PAGE3: variants seen among roughly 807,000 people sequenced by gnomAD.
The protein encoded by PAGE3 is P antigen family member 3.
A neutral mutation model predicts 3.8 loss-of-function variants in PAGE3; 9 were observed. The ratio of observed to expected loss-of-function variants is 2.36; its 90% CI spans 1.42 to 4.12. The LOEUF (loss-of-function observed/expected upper bound fraction) is 4.12, where lower values mean the gene tolerates loss of function less well. Ranked by LOEUF, PAGE3 falls within the 30% of genes most tolerant of loss-of-function variation. The pLI is 0.00. For synonymous variants in PAGE3, 24 were observed against 13.1 expected (o/e 1.83, Z -1.79); for missense variants, 73 against 37.8 (o/e 1.93, Z -2.44).
chrX:55,260,922 T>A (rs1482110589), intron 3 of PAGE3, among the ~76,000 whole-genome samples: 1 of 111,751 alleles, frequency 8.9e-6, no homozygotes, highest in African/African-American at 3.2e-5. Flanking sequence ...TATATGTTAT[T>A]GTACTTATCA....
intron 2 of PAGE3, 114 bp from the exon 3 acceptor site, chrX:55,263,473 T>C: frequency 2.3e-6 from 1 of 427,403 alleles, no homozygotes; most frequent in Non-Finnish European, 4.1e-6. Flanking sequence ...TCTAAAGACA[T>C]TTTTTTCCTA....
chrX:55,262,711 T>TATATATATATATATATATATGTA (rs1555921361), intron 3 of PAGE3, among the ~76,000 whole-genome samples: 53 of 10,622 alleles, frequency 5.0e-3, no homozygotes, highest in African/African-American at 5.5e-3. Flanking sequence ...ATGATATATA[T>TATATATATATATATATATATGTA]ATATATATAT....
intron 4 of PAGE3, among the ~76,000 whole-genome samples, chrX:55,259,242 C>T (rs938181464): frequency 1.8e-5 from 2 of 109,387 alleles, no homozygotes; most frequent in Non-Finnish European, 3.8e-5. Context: ...TTTGGCAAAA[C>T]GGGGATCAGA....
intron 3 of PAGE3, among the ~76,000 whole-genome samples, chrX:55,261,634 G>A (rs1938291161): frequency 1.8e-5 from 2 of 111,154 alleles, no homozygotes; most frequent in Non-Finnish European, 3.8e-5. Flanking sequence ...CATTCAGGGT[G>A]GTATGGCTGT....
intron 4 of PAGE3, among the ~76,000 whole-genome samples, chrX:55,260,301 A>C (rs1356328883): frequency 1.8e-5 from 2 of 111,791 alleles, no homozygotes; most frequent in Admixed American, 9.6e-5. Context: ...ACTAAAAAGT[A>C]AGAAAATACC....
At chrX:55,263,498 T>C (rs1022106166) in intron 2 of PAGE3, 139 bp from the exon 3 acceptor site, 8 of 420,299 alleles carry the variant, frequency 1.9e-5, no homozygotes, top group Admixed American at 8.7e-5. Context: ...ATTCTACATA[T>C]ACTTATTCTT....
intron 3 of PAGE3, 81 bp downstream of exon 3, chrX:55,263,170 C>A: frequency 2.3e-6 from 1 of 444,277 alleles, no homozygotes; most frequent in Non-Finnish European, 4.1e-6. Flanking sequence ...CTTTTTTCCT[C>A]CTTTTACTTC....
intron 4 of PAGE3, among the ~76,000 whole-genome samples, chrX:55,258,773 A>G (rs760661362): frequency 9.0e-6 from 1 of 111,217 alleles, no homozygotes; most frequent in African/African-American, 3.3e-5. Flanking sequence ...AAATGATTTG[A>G]TCAAATGAAC....
At position 55,258,433 on chromosome X, in the gene PAGE3, A is replaced by G. The variant is rs1938232541; in HGVS notation, c.*73T>C. 6 of 548,928 alleles carry G rather than the reference A, an allele frequency of 1.1e-5. No individual in the cohort carries two copies. The highest frequency in any genetic ancestry group is 3.1e-4 in the Middle Eastern group (1 of 3,184). The allele number at this position is 548,928 out of a possible 1,213,427, so 45.2% of individuals were successfully genotyped here. A position where few individuals can be genotyped will look rare whatever the true frequency, so the allele number is the denominator to read the frequency against. The stretch of plus-strand genomic sequence containing the variant: ...AGACTTCTTTGCAGACAATTGTGAA[A>G]CTTTATTGAGAGAATTTTACTGGTG... On this transcript the variant is annotated 3_prime_UTR_variant, in exon 5 of 5. Coordinates refer to ENST00000374951, the MANE Select transcript of PAGE3 (RefSeq NM_001017931.3).
intron 4 of PAGE3, among the ~76,000 whole-genome samples, chrX:55,258,806 A>G (rs1397749346): frequency 9.0e-6 from 1 of 111,337 alleles, no homozygotes; most frequent in Non-Finnish European, 1.9e-5. Context: ...AGTTTTAACT[A>G]GAAACTAAAA....
intron 4 of PAGE3, among the ~76,000 whole-genome samples, chrX:55,259,994 C>A (rs1938258981): frequency 9.0e-6 from 1 of 111,158 alleles, no homozygotes; most frequent in Non-Finnish European, 1.9e-5. Flanking sequence ...AATTCAGAAG[C>A]TCATATAACT....
At chrX:55,258,977 G>C (rs766349362) in intron 4 of PAGE3, among the ~76,000 whole-genome samples, 133 of 111,791 alleles carry the variant, frequency 1.2e-3, no homozygotes, top group African/African-American at 4.0e-3. Context: ...AGAAAGGCTA[G>C]TATTATATTT....
chrX:55,264,808 A>C lies in PAGE3; in HGVS notation c.-271T>G, dbSNP rs917737893. 5 of 111,369 alleles carry C rather than the reference A, an allele frequency of 4.5e-5. No individual in the cohort carries two copies. Among genetic ancestry groups the C allele is most frequent in the African/African-American group, 1.6e-4 (5 of 30,579 alleles). 9.2% of individuals were successfully genotyped at this position (111,369 alleles called of 1,213,427 possible). A position where few individuals can be genotyped will look rare whatever the true frequency, so the allele number is the denominator to read the frequency against. The stretch of plus-strand genomic sequence containing the variant: ...AATTCCCAGGAGGACTGATCTGCGG[A>C]CCTACCAGCTGAGTCCCAGTCAGTG... On this transcript the variant is annotated 5_prime_UTR_variant, in exon 1 of 5. Coordinates refer to ENST00000374951, the MANE Select transcript of PAGE3 (RefSeq NM_001017931.3).
At chrX:55,263,783 G>T in intron 2 of PAGE3, 37 bp downstream of exon 2, 2 of 543,662 alleles carry the variant, frequency 3.7e-6, no homozygotes, top group Non-Finnish European at 3.3e-6. Context: ...ACAAAAATAA[G>T]TTTCTAATAG....
rs1405997595 is a variant in PAGE3 at position 55,264,218 on chromosome X, G to A, written c.-8-307C>T. Among the ~76,000 whole-genome samples, 3 of 110,404 alleles carry A rather than the reference G, an allele frequency of 2.7e-5. No individual in the cohort carries two copies. The East Asian group carries it at 8.6e-4, about 32-fold the overall frequency. On this transcript the variant is annotated intron_variant, in intron 1 of 4. Coordinates refer to ENST00000374951, the MANE Select transcript of PAGE3 (RefSeq NM_001017931.3). ...AAAATATAGGTAGAGAATTGGAACC[G>A]GAGTGACTACTGCTTTTGCCCCACT... is the stretch of plus-strand genomic sequence containing the variant.
Position 55,263,250 on chromosome X carries a change from C to A in PAGE3, c.193+1G>T, listed in dbSNP as rs774619815. 1 of 567,351 alleles carries A rather than the reference C, an allele frequency of 1.8e-6. No individual in the cohort carries two copies. The highest frequency in any genetic ancestry group is 3.1e-4 in the Middle Eastern group (1 of 3,240). The allele number at this position is 567,351 out of a possible 1,213,427, so 46.8% of individuals were successfully genotyped here. A position where few individuals can be genotyped will look rare whatever the true frequency, so the allele number is the denominator to read the frequency against. On this transcript the variant is annotated splice_donor_variant, in intron 3 of 4. Transcript: ENST00000374951. LOFTEE classifies it high-confidence loss of function. ...GGCATTCTTCCTCTCCCACGCTTCA[C>A]CTTGGAAGTCCAGTGCTCCCTCGTC...
chrX:55,264,220 A>G (rs1938349652), intron 1 of PAGE3, among the ~76,000 whole-genome samples: 1 of 110,512 alleles, frequency 9.0e-6, no homozygotes, highest in Admixed American at 9.7e-5. Flanking sequence ...TTGGAACCGG[A>G]GTGACTACTG....
At position 55,260,518 on chromosome X, in the gene PAGE3, T is replaced by A. The variant is rs1938270353; in HGVS notation, c.319+16A>T. Reference sequence around the variant, plus strand: ...AACAGAAACCCCATAATTTGCATTTTTAATGAATAACTTACCTGCTTCTGG... The same window carrying A: ...AACAGAAACCCCATAATTTGCATTTATAATGAATAACTTACCTGCTTCTGG... On this transcript the variant is annotated intron_variant, in intron 4 of 4. Transcript: ENST00000374951. The A allele has an allele frequency of 3.6e-6, 2 of 561,743 alleles. No homozygotes were observed. The highest frequency in any genetic ancestry group is 4.5e-5 in the Admixed American group (2 of 44,661). The allele number at this position is 561,743 out of a possible 1,213,427, so 46.3% of individuals were successfully genotyped here.
At chrX:55,259,245 G>A (rs1938245511) in intron 4 of PAGE3, among the ~76,000 whole-genome samples, 1 of 110,567 alleles carries the variant, frequency 9.0e-6, no homozygotes, top group Non-Finnish European at 1.9e-5. Context: ...GGCAAAACGG[G>A]GATCAGAAGG....
Sources: allele counts gnomAD v4.1 joint callset (sites outside exome capture counted in the v4.1 genomes callset), GRCh38; gene constraint gnomAD v4.1.1; transcripts MANE v1.5; gene names NCBI Gene and HGNC (gene_info 2026-07-23, HGNC 2026-07-21).